The following SERPINB12 variants were observed in gnomAD, a reference collection of about 807,000 sequenced individuals.
SERPINB12 encodes the protein serpin B12.
A neutral mutation model predicts 41.1 loss-of-function variants in SERPINB12; 57 were observed. The ratio of observed to expected loss-of-function variants is 1.39; its 90% CI spans 1.12 to 1.73. The LOEUF (loss-of-function observed/expected upper bound fraction) is 1.73, where lower values mean the gene tolerates loss of function less well. Ranked by LOEUF, SERPINB12 falls within the 40% of genes most tolerant of loss-of-function variation. SERPINB12 has a pLI of 0.00. For synonymous variants in SERPINB12, 180 were observed against 181.3 expected (o/e 0.99, Z 0.06); for missense variants, 536 against 501.9 (o/e 1.07, Z -0.65).
chr18:63,558,683 A>G (rs1910764280), intron 3 of SERPINB12, among the ~76,000 whole-genome samples, 197 bp downstream of exon 3: 1 of 152,218 alleles, frequency 6.6e-6, no homozygotes. Context: ...CCTAAAGAGT[A>G]GGATCTGGTG....
At chr18:63,541,099 C>T (rs919642915), upstream of SERPINB12, among the ~76,000 whole-genome samples, 2 of 152,080 alleles carry the variant, frequency 1.3e-5, no homozygotes, top group African/African-American at 4.8e-5. Context: ...CTACCATCTC[C>T]CTAATTCAAA....
intron 1 of SERPINB12, among the ~76,000 whole-genome samples, chr18:63,543,496 T>C (rs1910317376): frequency 1.3e-5 from 2 of 152,240 alleles, no homozygotes; most frequent in Non-Finnish European, 2.9e-5. Context: ...AATGAATGTC[T>C]AGGCTGTTAT....
intron 4 of SERPINB12, 29 bp from the exon 5 acceptor site, chr18:63,561,056 A>G (rs754329234): frequency 1.4e-6 from 2 of 1,433,016 alleles, no homozygotes; most frequent in South Asian, 2.3e-5. Context: ...ACTTTATTGC[A>G]TTATTTCCCT....
chr18:63,565,035 A>G (rs1911046431), intron 6 of SERPINB12, among the ~76,000 whole-genome samples: 1 of 152,080 alleles, frequency 6.6e-6, no homozygotes, highest in Admixed American at 6.5e-5. Flanking sequence ...AAAATAAAAA[A>G]AATTAGCCAG....
upstream of SERPINB12, among the ~76,000 whole-genome samples, chr18:63,539,582 C>T (rs932663465): frequency 3.3e-5 from 5 of 151,894 alleles, no homozygotes; most frequent in African/African-American, 1.2e-4. Flanking sequence ...CATCAGGTGC[C>T]CCCCACCCCA....
rs1910292721 is a variant in SERPINB12 at position 63,542,496 on chromosome 18, TG to T, written c.-19+5del. Among the ~76,000 whole-genome samples the T allele has an allele frequency of 6.6e-6, 1 of 152,196 alleles. No homozygotes were observed. The highest frequency in any genetic ancestry group is 1.5e-5 in the Non-Finnish European group (1 of 68,032). ...GACAGCCCTCACTGGCTTCCAGGTATGTGCTGGGAGGTGGACAAGCTATTGT... is the reference window on the plus strand; with the variant it reads ...GACAGCCCTCACTGGCTTCCAGGTATTGCTGGGAGGTGGACAAGCTATTGT... On this transcript the variant is annotated splice_donor_5th_base_variant and intron_variant, in intron 1 of 7. Coordinates refer to ENST00000382768, the MANE Select transcript of SERPINB12 (RefSeq NM_001307928.2).
At position 63,565,408 on chromosome 18, in the gene SERPINB12, A is replaced by T. The variant is rs540505524; in HGVS notation, c.706-37A>T. 4.0e-5 allele frequency: 64 copies of T among 1,588,696 alleles called. No individual in the cohort carries two copies. The South Asian group carries it at 4.9e-4, about 12-fold the overall frequency. ...GGCCATATGAATTTGGGAGTTTCCC[A>T]TAGCCGTCCTGTGACCTCCTACCTT... is the stretch of plus-strand genomic sequence containing the variant. On this transcript the variant is annotated intron_variant, in intron 6 of 7. Transcript: ENST00000382768.
At chr18:63,566,071 A>G (rs562493515) in intron 7 of SERPINB12, among the ~76,000 whole-genome samples, 9 of 152,306 alleles carry the variant, frequency 5.9e-5, no homozygotes, top group Middle Eastern at 3.4e-3. Flanking sequence ...GAATTCATAA[A>G]GGCTGGAGAA....
chr18:63,564,129 T>A lies in SERPINB12; in HGVS notation c.705+9T>A, dbSNP rs749630092. The A allele has an allele frequency of 6.2e-7, 1 of 1,606,918 alleles. No individual in the cohort carries two copies. The highest frequency in any genetic ancestry group is 1.1e-5 in the South Asian group (1 of 89,138). Reference sequence around the variant, plus strand: ...CTTTCTGTCTAAATGCGGTAGTGTATCAGAACTCATGGTTTTCTAGCTAGC... The same window carrying A: ...CTTTCTGTCTAAATGCGGTAGTGTAACAGAACTCATGGTTTTCTAGCTAGC... On this transcript the variant is annotated intron_variant, in intron 6 of 7. Transcript: ENST00000382768.
At chr18:63,526,470 T>C in the SERPINB12 span, among the ~76,000 whole-genome samples, 3 of 152,150 alleles carry the variant, frequency 2.0e-5, no homozygotes, top group South Asian at 6.2e-4. Context: ...ATGGTGCCCA[T>C]CTTCCCTAGC....
upstream of SERPINB12, among the ~76,000 whole-genome samples, chr18:63,538,774 T>G (rs974564769): frequency 1.3e-5 from 2 of 152,196 alleles, no homozygotes; most frequent in Non-Finnish European, 2.9e-5. Flanking sequence ...CCAGACTGTT[T>G]TCCAAAGTGG....
intron 2 of SERPINB12, among the ~76,000 whole-genome samples, chr18:63,556,712 C>T (rs765640309): frequency 1.8e-4 from 28 of 152,194 alleles, no homozygotes; most frequent in Non-Finnish European, 5.9e-5. Flanking sequence ...AATAAATATT[C>T]ATTAAGTACC....
chr18:63,561,326 A>G (rs1054773366), intron 5 of SERPINB12, 124 bp downstream of exon 5: 16 of 631,344 alleles, frequency 2.5e-5, no homozygotes, highest in Middle Eastern at 2.6e-4. Context: ...ACTGTGTTCA[A>G]AGCATGGTTT....
chr18:63,541,539 A>G (rs944341074), upstream of SERPINB12, among the ~76,000 whole-genome samples: 2 of 152,212 alleles, frequency 1.3e-5, no homozygotes, highest in African/African-American at 2.4e-5. Flanking sequence ...GAAAACCTCC[A>G]AGCATGCATT....
the SERPINB12 span, among the ~76,000 whole-genome samples, chr18:63,519,843 T>G: frequency 1.3e-5 from 2 of 152,206 alleles, no homozygotes; most frequent in Non-Finnish European, 2.9e-5. Context: ...TGACTTATTA[T>G]CTAAGGTAGG....
At chr18:63,524,496 G>C in the SERPINB12 span, among the ~76,000 whole-genome samples, 264 of 152,130 alleles carry the variant, frequency 1.7e-3, no homozygotes, top group African/African-American at 6.1e-3. Flanking sequence ...CACCACGTTG[G>C]CCAGGCTGAT....
At chr18:63,542,213 C>T (rs114887225), upstream of SERPINB12, among the ~76,000 whole-genome samples, 1,733 of 152,168 alleles carry the variant, frequency 0.011, 27 homozygotes, top group African/African-American at 0.039. Context: ...CATGGTGGAA[C>T]GGTTTGTTCT....
intron 1 of SERPINB12, among the ~76,000 whole-genome samples, chr18:63,555,633 G>A (rs1599419349): frequency 3.3e-5 from 5 of 152,294 alleles, no homozygotes; most frequent in African/African-American, 1.2e-4. Context: ...AGTGACTGCT[G>A]TCTTTAAAAG....
chr18:63,562,056 A>T (rs1599425907), intron 5 of SERPINB12, among the ~76,000 whole-genome samples: 1 of 152,244 alleles, frequency 6.6e-6, no homozygotes, highest in African/African-American at 2.4e-5. Context: ...TCTGAACAGC[A>T]TCAAACAGTT....
Sources: gnomAD v4.1 joint callset for allele counts (sites outside exome capture counted in the v4.1 genomes callset) on GRCh38, gnomAD v4.1.1 for gene constraint, MANE v1.5 for transcripts, NCBI Gene and HGNC (gene_info 2026-07-23, HGNC 2026-07-21) for gene names.